UBIAD1: variants seen among roughly 807,000 people sequenced by gnomAD.
UBIAD1 encodes the protein ubiA prenyltransferase domain-containing protein 1.
UBIAD1 carries 12 observed loss-of-function variants against 20.1 expected under a neutral mutation model. The observed-to-expected ratio is 0.60, with a 90% CI of 0.38 to 0.97. UBIAD1 has a LOEUF of 0.97. Ranked by LOEUF, UBIAD1 falls within the 50% of genes least tolerant of loss-of-function variation. The probability of loss-of-function intolerance (pLI) is 0.00; values close to 1 mark genes in which losing one functional copy is unlikely to be tolerated. For missense variants in UBIAD1, 333 were observed against 419.5 expected, an observed-to-expected ratio of 0.79 and a Z score of 1.80; for synonymous variants, 207 against 189.2, an observed-to-expected ratio of 1.09 and a Z score of -0.77.
At chr1:11,295,381 G>T, downstream of UBIAD1, 1 of 168,154 alleles carries the variant, frequency 5.9e-6, no homozygotes, top group African/African-American at 2.4e-5. Flanking sequence ...AGCCTCTTTT[G>T]GCTGTGCAGT....
intron 1 of UBIAD1, among the ~76,000 whole-genome samples, chr1:11,275,936 G>T (rs898589691): frequency 6.6e-6 from 1 of 152,078 alleles, no homozygotes; most frequent in African/African-American, 2.4e-5. Flanking sequence ...AGTAAAGAGA[G>T]GTAAAGTAAG....
At chr1:11,294,141 T>C (rs1337699809) in intron 1 of UBIAD1, among the ~76,000 whole-genome samples, 1 of 152,202 alleles carries the variant, frequency 6.6e-6, no homozygotes, top group Non-Finnish European at 1.5e-5. Flanking sequence ...TTAAATACAT[T>C]CTTTTAGTGC....
chr1:11,284,439 G>T (rs149271780), intron 1 of UBIAD1, among the ~76,000 whole-genome samples: 116 of 152,138 alleles, frequency 7.6e-4, no homozygotes, highest in African/African-American at 2.4e-3. Context: ...TGTTGGGGGA[G>T]GGGGTGGTCA....
At position 11,273,765 on chromosome 1, in the gene UBIAD1, C is replaced by T. The variant is rs756884745; in HGVS notation, c.234C>T (p.Val78=). The change falls in exon 1 of 2, where the codon GTC becomes GTT. Residue 78 remains valine, a synonymous_variant. Transcript: ENST00000376810. This position sits in a 1 kb window ranked among gnomAD's most constrained non-coding sequence, Gnocchi z 4.9. ...GSALAYRSHG[V]LDPRLLVGCA... ...CCCTTGCCTACAGATCCCACGGTGT[C>T]CTGGATCCCAGGCTCTTGGTGGGTT... The T allele has an allele frequency of 6.2e-7, 1 of 1,614,102 alleles. No homozygotes were observed. Among genetic ancestry groups the T allele is most frequent in the Non-Finnish European group, 8.5e-7 (1 of 1,180,008 alleles).
At chr1:11,296,253 T>C (rs541014457), downstream of UBIAD1, among the ~76,000 whole-genome samples, 14 of 152,216 alleles carry the variant, frequency 9.2e-5, no homozygotes, top group Non-Finnish European at 1.9e-4. Flanking sequence ...CTTATATCAC[T>C]CCTGGAGCTT....
At chr1:11,295,249 G>A, downstream of UBIAD1, 1 of 326,808 alleles carries the variant, frequency 3.1e-6, no homozygotes, top group Non-Finnish European at 5.8e-6. Flanking sequence ...CTAGGAAGAG[G>A]TGGCCATAAG....
At position 11,285,760 on chromosome 1, in the gene UBIAD1, G is replaced by A. The variant is rs1177225470; in HGVS notation, c.646G>A (p.Val216Ile). The change falls in exon 2 of 2, where the codon GTC (valine) becomes ATC (isoleucine). Residue 216 changes from valine to isoleucine, a missense_variant. Val to Ile is a conservative substitution (Grantham distance 29, BLOSUM62 3). Around this residue, in one of 3 missense-constraint regions of UBIAD1, gnomAD observed 226 missense variants for 263.5 expected, o/e 0.86. Coordinates refer to ENST00000376810, the MANE Select transcript of UBIAD1 (RefSeq NM_013319.3). The surrounding 1 kb of genome is among the most constrained non-coding windows in gnomAD (Gnocchi z 4.4). ...QVGSLAIFPL[V>I]YAIPLALSTE... ...GGGGTCCCTGGCCATCTTCCCACTG[G>A]TCTATGCCATCCCCCTCGCCCTCAG... is the stretch of plus-strand genomic sequence containing the variant. 5 of 1,614,006 alleles carry A rather than the reference G, an allele frequency of 3.1e-6. No individual in the cohort carries two copies. The highest frequency in any genetic ancestry group is 4.2e-6 in the Non-Finnish European group (5 of 1,180,036).
chr1:11,284,755 T>C (rs1224326870), intron 1 of UBIAD1, among the ~76,000 whole-genome samples: 6 of 152,294 alleles, frequency 3.9e-5, no homozygotes, highest in Admixed American at 2.0e-4. Flanking sequence ...TGAGCCACTG[T>C]GCCCACCCAG....
intron 1 of UBIAD1, among the ~76,000 whole-genome samples, chr1:11,274,465 A>G (rs1651926332): frequency 6.6e-6 from 1 of 151,164 alleles, no homozygotes; most frequent in South Asian, 2.1e-4. Flanking sequence ...CGCCTGGCTG[A>G]TTTTTGTATT....
At chr1:11,283,226 G>A (rs1049132521) in intron 1 of UBIAD1, among the ~76,000 whole-genome samples, 1 of 152,192 alleles carries the variant, frequency 6.6e-6, no homozygotes, top group Non-Finnish European at 1.5e-5. Context: ...CAAAGGTCAA[G>A]GCTGTAGTGC....
chr1:11,285,646 A>G lies in UBIAD1; in HGVS notation c.532A>G (p.Ile178Val), dbSNP rs1038351525. The G allele has an allele frequency of 3.1e-6, 5 of 1,614,164 alleles. No homozygotes were observed. In the African/African-American group the frequency reaches 5.3e-5, roughly 17 times the overall value. The change falls in exon 2 of 2, where the codon ATT (isoleucine) becomes GTT (valine). Residue 178 changes from isoleucine (I) to valine (V), a missense_variant and splice_region_variant. Around this residue, in one of 3 missense-constraint regions of UBIAD1, gnomAD observed 226 missense variants for 263.5 expected, o/e 0.86. Coordinates refer to ENST00000376810, the MANE Select transcript of UBIAD1 (RefSeq NM_013319.3). The surrounding 1 kb of genome is among the most constrained non-coding windows in gnomAD (Gnocchi z 4.4). ...LSGSFLYTGG[I>V]GFKYVALGDL... Reference sequence around the variant, plus strand: ...CTCTCTGGATTTTCTGGCCGCAGGAATTGGATTCAAGTACGTGGCTCTGGG... The same window carrying G: ...CTCTCTGGATTTTCTGGCCGCAGGAGTTGGATTCAAGTACGTGGCTCTGGG...
exon 2 of UBIAD1, chr1:11,295,033 C>T: frequency 1.4e-6 from 1 of 697,670 alleles, no homozygotes; most frequent in South Asian, 1.5e-5. Flanking sequence ...TCGGGGTGGG[C>T]AGCATCTGGA....
chr1:11,294,346 A>C (rs990644558), intron 1 of UBIAD1, among the ~76,000 whole-genome samples: 1 of 152,138 alleles, frequency 6.6e-6, no homozygotes, highest in Non-Finnish European at 1.5e-5. Flanking sequence ...ACAGGGTCTC[A>C]TTATGTTGGC....
intron 1 of UBIAD1, among the ~76,000 whole-genome samples, chr1:11,280,850 A>G (rs1267590008): frequency 1.3e-5 from 2 of 152,160 alleles, no homozygotes; most frequent in Non-Finnish European, 2.9e-5. Context: ...CCACTCAGCC[A>G]CCAGAGTAAT....
downstream of UBIAD1, among the ~76,000 whole-genome samples, chr1:11,296,387 G>A (rs956996120): frequency 5.9e-5 from 9 of 152,144 alleles, no homozygotes; most frequent in African/African-American, 2.2e-4. Context: ...TTGAGCTTCC[G>A]GTGCCTCCTC....
chr1:11,273,421 C>G lies in UBIAD1; in HGVS notation c.-111C>G. 7.2e-7 allele frequency: 1 copy of G among 1,388,534 alleles called. No homozygotes were observed. Among genetic ancestry groups the G allele is most frequent in the Non-Finnish European group, 1.0e-6 (1 of 999,560 alleles). The allele number at this position is 1,388,534 out of a possible 1,614,324, so 86.0% of individuals were successfully genotyped here. ...CCGCCACACCAGCCCTGTCCTGGGG[C>G]GGAACCGAAGGAAGGTCGGGCCCTG... On this transcript the variant is annotated 5_prime_UTR_variant, in exon 1 of 2. Transcript: ENST00000376810. This position sits in a 1 kb window ranked among gnomAD's most constrained non-coding sequence, Gnocchi z 4.9.
downstream of UBIAD1, among the ~76,000 whole-genome samples, chr1:11,292,733 C>T (rs1362310244): frequency 6.6e-6 from 1 of 151,070 alleles, no homozygotes; most frequent in Non-Finnish European, 1.5e-5. Context: ...GATTTCACCT[C>T]GAAAGCCCTT....
exon 2 of UBIAD1, chr1:11,294,921 G>A (rs753656163): frequency 1.4e-6 from 1 of 717,518 alleles, no homozygotes; most frequent in South Asian, 1.5e-5. Context: ...AGCAGCCAGT[G>A]CTCAAGCTCC....
chr1:11,296,708 C>G (rs1478817415), downstream of UBIAD1, among the ~76,000 whole-genome samples: 2 of 152,082 alleles, frequency 1.3e-5, no homozygotes, highest in South Asian at 2.1e-4. Flanking sequence ...TTTATAGAGA[C>G]AAGATTTCAC....
Sources: gnomAD v4.1 joint callset for allele counts (sites outside exome capture counted in the v4.1 genomes callset) on GRCh38, gnomAD v4.1.1 for gene constraint, gnomAD v4.1.1 regional missense constraint, Gnocchi (gnomAD v3.1) non-coding constraint, MANE v1.5 for transcripts, NCBI Gene and HGNC (gene_info 2026-07-23, HGNC 2026-07-21) for gene names.